KCNQ1: variants seen among roughly 807,000 people sequenced by gnomAD.
KCNQ1 encodes the protein potassium voltage-gated channel subfamily Q member 1.
A neutral mutation model predicts 72.4 loss-of-function variants in KCNQ1; 49 were observed. That is an observed-to-expected ratio of 0.68 (90% CI 0.54 to 0.86). KCNQ1 has a LOEUF of 0.86. KCNQ1 is among the 40% of genes least tolerant of loss of function. The probability of loss-of-function intolerance (pLI) is 0.00; values close to 1 mark genes in which losing one functional copy is unlikely to be tolerated. For missense variants in KCNQ1, 790 were observed against 945.1 expected, an observed-to-expected ratio of 0.84 and a Z score of 2.15; for synonymous variants, 450 against 412.6, an observed-to-expected ratio of 1.09 and a Z score of -1.10.
In KCNQ1 at chr11:2,759,857, G is replaced by A. The variant is rs1846361750; in HGVS notation, c.1515-8987G>A. Among the ~76,000 whole-genome samples, 1 of 152,058 alleles carries A rather than the reference G, an allele frequency of 6.6e-6. No individual in the cohort carries two copies. The highest frequency in any genetic ancestry group is 6.5e-5 in the Admixed American group (1 of 15,282). ...GCATCTCCAGGCCCAGCCCCACCCTGAGCTGTACTGGACCCAAGCCCCAGG... is the reference window on the plus strand; with the variant it reads ...GCATCTCCAGGCCCAGCCCCACCCTAAGCTGTACTGGACCCAAGCCCCAGG... On this transcript the variant is annotated intron_variant, in intron 11 of 15. Transcript: ENST00000155840. This position sits in a 1 kb window ranked among gnomAD's most constrained non-coding sequence, Gnocchi z 4.4.
chr11:2,673,373 G>A lies in KCNQ1; in HGVS notation c.1514+11292G>A. ...GCAAACAAAGGGAAGTGACAGAGCA[G>A]AGCTCCCCTTGGCCTTTGTTTAGCC... On this transcript the variant is annotated intron_variant, in intron 11 of 15. Coordinates refer to ENST00000155840, the MANE Select transcript of KCNQ1 (RefSeq NM_000218.3). This position sits in a 1 kb window ranked among gnomAD's most constrained non-coding sequence, Gnocchi z 4.5. The A allele has an allele frequency of 2.5e-6, 1 of 398,722 alleles. No individual in the cohort carries two copies. The highest frequency in any genetic ancestry group is 3.6e-5 in the East Asian group (1 of 28,082). 24.7% of individuals were successfully genotyped at this position (398,722 alleles called of 1,614,324 possible). A position where few individuals can be genotyped will look rare whatever the true frequency, so the allele number is the denominator to read the frequency against.
rs112918227 is a variant in KCNQ1 at position 2,470,234 on chromosome 11, G to A, written c.386+24750G>A. ...TCGAGGTTTATTGAGCCAACGTGAG[G>A]GCACGCCCAGGAAAAACTCCAGTCA... On this transcript the variant is annotated intron_variant, in intron 1 of 15. Transcript: ENST00000155840. Among the ~76,000 whole-genome samples the A allele has an allele frequency of 5.4e-3, 817 of 152,288 alleles. 4 individuals carry two copies. Among genetic ancestry groups the A allele is most frequent in the Non-Finnish European group, 8.3e-3 (563 of 68,030 alleles).
rs1171575071 is a variant in KCNQ1, at chr11:2,526,320, G to C, written c.387-1608G>C. On this transcript the variant is annotated intron_variant, in intron 1 of 15. Coordinates refer to ENST00000155840, the MANE Select transcript of KCNQ1 (RefSeq NM_000218.3). This position sits in a 1 kb window ranked among gnomAD's most constrained non-coding sequence, Gnocchi z 6.1. ...GTGCAGACAGGGGCTGGCTGGGTTCGGCTCTGCAGGTAGAGCTGACCGGTG... is the reference window on the plus strand; with the variant it reads ...GTGCAGACAGGGGCTGGCTGGGTTCCGCTCTGCAGGTAGAGCTGACCGGTG... Among the ~76,000 whole-genome samples, 1 of 152,110 alleles carries C rather than the reference G, an allele frequency of 6.6e-6. No homozygotes were observed. The highest frequency in any genetic ancestry group is 2.4e-5 in the African/African-American group (1 of 41,408).
intron 1 of KCNQ1, among the ~76,000 whole-genome samples, chr11:2,514,569 C>A (rs752603972): frequency 6.6e-6 from 1 of 152,226 alleles, no homozygotes; most frequent in African/African-American, 2.4e-5. Context: ...CGGTGGCTCA[C>A]GCCTGTAATC....
rs369791448 is a variant in KCNQ1, at chr11:2,725,724, A to G, written c.1515-43120A>G. Among the ~76,000 whole-genome samples the G allele has an allele frequency of 9.5e-4, 144 of 152,200 alleles. 2 individuals are homozygous for G. Among genetic ancestry groups the G allele is most frequent in the African/African-American group, 3.1e-3 (129 of 41,536 alleles). On this transcript the variant is annotated intron_variant, in intron 11 of 15. Coordinates refer to ENST00000155840, the MANE Select transcript of KCNQ1 (RefSeq NM_000218.3). The surrounding 1 kb of genome is among the most constrained non-coding windows in gnomAD (Gnocchi z 7.2). ...GGGCAGCCTGGGGAAGGTACGAGAG[A>G]TCACTGGGCTTTGTGAAACCTGTCA...
chr11:2,656,538 C>G (rs941998485), intron 10 of KCNQ1: 1 of 398,560 alleles, frequency 2.5e-6, no homozygotes. Context: ...GCTAGTCAGG[C>G]GCAACACCTT....
rs1169166809 is a variant in KCNQ1, at chr11:2,711,901, ATGGCAGG to A, written c.1514+49832_1514+49838del. Among the ~76,000 whole-genome samples the A allele has an allele frequency of 2.6e-5, 4 of 152,222 alleles. No homozygotes were observed. Among genetic ancestry groups the A allele is most frequent in the Admixed American group, 6.5e-5 (1 of 15,300 alleles). On this transcript the variant is annotated intron_variant, in intron 11 of 15. Transcript: ENST00000155840. The surrounding 1 kb of genome is among the most constrained non-coding windows in gnomAD (Gnocchi z 5.4). ...TCACGGGAAAGGCTGGCCCTGAGGC[ATGGCAGG>A]TGGCAGGTGGCTGGGGCTGCTCACC... is the stretch of plus-strand genomic sequence containing the variant.
intron 15 of KCNQ1, among the ~76,000 whole-genome samples, chr11:2,800,309 C>G (rs1310612723): frequency 6.6e-6 from 1 of 152,254 alleles, no homozygotes; most frequent in East Asian, 1.9e-4. Flanking sequence ...AGGGGGCTGA[C>G]AGCCGTTCCT....
intron 14 of KCNQ1, chr11:2,777,626 G>C: frequency 1.7e-6 from 1 of 585,690 alleles, no homozygotes; most frequent in Non-Finnish European, 3.0e-6. Context: ...CAGCGGAATG[G>C]CTGTGCCCCC....
At chr11:2,805,387 A>G (rs3852528) in intron 15 of KCNQ1, among the ~76,000 whole-genome samples, 14,710 of 152,216 alleles carry the variant, frequency 0.097, 1,295 homozygotes, top group East Asian at 0.41. Flanking sequence ...GAAAACTCAA[A>G]TCTATGAGAA....
Position 2,691,255 on chromosome 11 carries a change from A to C in KCNQ1, c.1514+29174A>C, listed in dbSNP as rs1459688829. ...TGCAGTTAACCCCTTGAGTCTCGGA[A>C]GGCTGTTTGAGCCACTAATCAGGAA... On this transcript the variant is annotated intron_variant, in intron 11 of 15. Transcript: ENST00000155840. This position sits in a 1 kb window ranked among gnomAD's most constrained non-coding sequence, Gnocchi z 6.4. 7.5e-6 allele frequency: 3 copies of C among 398,508 alleles called. No homozygotes were observed. Among genetic ancestry groups the C allele is most frequent in the Non-Finnish European group, 1.3e-5 (3 of 226,108 alleles). 24.7% of individuals were successfully genotyped at this position (398,508 alleles called of 1,614,324 possible).
At chr11:2,810,867 G>A (rs1316754594) in intron 15 of KCNQ1, among the ~76,000 whole-genome samples, 1 of 152,210 alleles carries the variant, frequency 6.6e-6, no homozygotes, top group African/African-American at 2.4e-5. Context: ...GAGGTACAGG[G>A]CTGGCAGCCG....
rs1269237461 is a variant in KCNQ1, at chr11:2,748,142, C to G, written c.1515-20702C>G. On this transcript the variant is annotated intron_variant, in intron 11 of 15. Transcript: ENST00000155840. This position sits in a 1 kb window ranked among gnomAD's most constrained non-coding sequence, Gnocchi z 6.2. ...GCCAGTGCAGCACTATCCTCAGTGG[C>G]CTGGGACACCCAGAACTGGCCAGGA... Among the ~76,000 whole-genome samples, 1 of 152,178 alleles carries G rather than the reference C, an allele frequency of 6.6e-6. No homozygotes were observed.
intron 10 of KCNQ1, chr11:2,615,389 G>A: frequency 2.5e-6 from 1 of 397,854 alleles, no homozygotes; most frequent in Non-Finnish European, 4.4e-6. Context: ...TCATTTACCT[G>A]TTTGTTTATT....
intron 11 of KCNQ1, chr11:2,696,199 T>C: frequency 2.5e-6 from 1 of 398,686 alleles, no homozygotes; most frequent in Non-Finnish European, 4.4e-6. Context: ...ACCCTGGCCC[T>C]GGAGATTATT....
At chr11:2,581,503 G>T (rs1373784240) in intron 6 of KCNQ1, among the ~76,000 whole-genome samples, 1 of 152,200 alleles carries the variant, frequency 6.6e-6, no homozygotes, top group Non-Finnish European at 1.5e-5. Flanking sequence ...GTTCCCCCAG[G>T]GCCCCCCTCT....
In KCNQ1 at chr11:2,769,374, C is replaced by T. The variant is rs1284459095; in HGVS notation, c.1590+455C>T. Among the ~76,000 whole-genome samples, 2 of 152,208 alleles carry T rather than the reference C, an allele frequency of 1.3e-5. No individual in the cohort carries two copies. The highest frequency in any genetic ancestry group is 2.9e-5 in the Non-Finnish European group (2 of 68,040). On this transcript the variant is annotated intron_variant, in intron 12 of 15. Coordinates refer to ENST00000155840, the MANE Select transcript of KCNQ1 (RefSeq NM_000218.3). This position sits in a 1 kb window ranked among gnomAD's most constrained non-coding sequence, Gnocchi z 4.6. ...TGGCTCAGTGCTCTCATTCCCTGCT[C>T]CTCCACCCTCTGTGAGTTGGGAGGA...
Position 2,623,437 on chromosome 11 carries a change from C to T in KCNQ1, c.1393+34583C>T. Reference sequence around the variant, plus strand: ...CACTGCCTATTCAACCCTTCTTCCCCAACAACCCTTGGCAACCACTGAACT... The same window carrying T: ...CACTGCCTATTCAACCCTTCTTCCCTAACAACCCTTGGCAACCACTGAACT... On this transcript the variant is annotated intron_variant, in intron 10 of 15. Transcript: ENST00000155840. The surrounding 1 kb of genome is among the most constrained non-coding windows in gnomAD (Gnocchi z 5.2). 1 of 398,648 alleles carries T rather than the reference C, an allele frequency of 2.5e-6. No individual in the cohort carries two copies. The highest frequency in any genetic ancestry group is 4.4e-6 in the Non-Finnish European group (1 of 226,072). The allele number at this position is 398,648 out of a possible 1,614,324, so 24.7% of individuals were successfully genotyped here.
rs927698019 is a variant in KCNQ1 at position 2,762,139 on chromosome 11, C to T, written c.1515-6705C>T. Among the ~76,000 whole-genome samples, 3 of 152,164 alleles carry T rather than the reference C, an allele frequency of 2.0e-5. No individual in the cohort carries two copies. The highest frequency in any genetic ancestry group is 3.2e-3 in the Middle Eastern group (1 of 316). On this transcript the variant is annotated intron_variant, in intron 11 of 15. Transcript: ENST00000155840. This position sits in a 1 kb window ranked among gnomAD's most constrained non-coding sequence, Gnocchi z 4.3. Reference sequence around the variant, plus strand: ...TTGGGGTGATGGAAAGAGGCCAGGACGTGAGGCCAGGGTAATAGTTCCTCT... The same window carrying T: ...TTGGGGTGATGGAAAGAGGCCAGGATGTGAGGCCAGGGTAATAGTTCCTCT...
Sources: gnomAD v4.1 joint callset for allele counts (sites outside exome capture counted in the v4.1 genomes callset) on GRCh38, gnomAD v4.1.1 for gene constraint, Gnocchi (gnomAD v3.1) non-coding constraint, MANE v1.5 for transcripts, NCBI Gene and HGNC (gene_info 2026-07-23, HGNC 2026-07-21) for gene names.